Variants in ZNF843 observed in about 807,000 individuals in gnomAD.
ZNF843 encodes zinc finger protein 843.
For synonymous variants in ZNF843, 185 were observed against 207.7 expected (o/e 0.89, Z 0.94); for missense variants, 482 against 469.4 (o/e 1.03, Z -0.25).
rs749584155 is a variant in ZNF843 at position 31,437,619 on chromosome 16, G to GTTTTT, written c.-335-440_-335-436dup. Among the ~76,000 whole-genome samples, 275 of 109,912 alleles carry GTTTTT rather than the reference G, an allele frequency of 2.5e-3. 9 individuals carry two copies. The highest frequency in any genetic ancestry group is 9.3e-3 in the African/African-American group (259 of 27,776). The allele number at this position is 109,912 out of a possible 152,430, so 72.1% of individuals were successfully genotyped here. ...CCATGCCCGGCCTCCTATAATCAAT[G>GTTTTT]TTTTTTTTTTTTTTTTTTTGAGAGG... On this transcript the variant is annotated intron_variant, in intron 1 of 1. Coordinates refer to ENST00000315678, the MANE Select transcript of ZNF843 (RefSeq NM_001136509.3).
intron 1 of ZNF843, among the ~76,000 whole-genome samples, chr16:31,440,878 C>G (rs2082198967): frequency 6.6e-6 from 1 of 152,224 alleles, no homozygotes; most frequent in Non-Finnish European, 1.5e-5. Context: ...GAAATCAGTC[C>G]TTGTGCCAAT....
At chr16:31,438,765 G>A (rs1486717744) in intron 1 of ZNF843, among the ~76,000 whole-genome samples, 1 of 151,988 alleles carries the variant, frequency 6.6e-6, no homozygotes, top group Non-Finnish European at 1.5e-5. Context: ...TTTTGTTGGT[G>A]GCACCAGTTT....
intron 1 of ZNF843, among the ~76,000 whole-genome samples, chr16:31,440,831 C>T (rs955522987): frequency 2.6e-5 from 4 of 152,200 alleles, no homozygotes; most frequent in African/African-American, 9.7e-5. Context: ...CAGCAATTCC[C>T]GCAGCTCTCC....
At chr16:31,437,443 G>A (rs2082187285) in intron 1 of ZNF843, among the ~76,000 whole-genome samples, 1 of 147,320 alleles carries the variant, frequency 6.8e-6, no homozygotes, top group African/African-American at 2.5e-5. Context: ...AGCTGGGACT[G>A]TAGTTGCACA....
chr16:31,443,102 C>T (rs544647924), upstream of ZNF843: 1 of 152,388 alleles, frequency 6.6e-6, no homozygotes, highest in East Asian at 1.9e-4. Flanking sequence ...AGGGAGTCCG[C>T]GCCATGCGCA....
upstream of ZNF843, chr16:31,443,124 G>A: frequency 6.6e-6 from 1 of 152,358 alleles, no homozygotes; most frequent in Middle Eastern, 3.4e-3. Flanking sequence ...GCACACACGC[G>A]GGCCTCTCCT....
Position 31,435,715 on chromosome 16 carries a change from T to C in ZNF843, c.*88A>G. 7.7e-7 allele frequency: 1 copy of C among 1,302,144 alleles called. No homozygotes were observed. Among genetic ancestry groups the C allele is most frequent in the Non-Finnish European group, 1.0e-6 (1 of 980,138 alleles). 80.7% of individuals were successfully genotyped at this position (1,302,144 alleles called of 1,614,324 possible). On this transcript the variant is annotated 3_prime_UTR_variant, in exon 2 of 2. Transcript: ENST00000315678. ...ATACAGAAAAGCCGTCCTGAGCGGG[T>C]CTGTGTGGAGGGAGGGGACTGCATC...
Position 31,435,985 on chromosome 16 carries a change from G to T in ZNF843, c.865C>A (p.Pro289Thr), listed in dbSNP as rs1026544271. 1 of 1,524,158 alleles carries T rather than the reference G, an allele frequency of 6.6e-7. No homozygotes were observed. Among genetic ancestry groups the T allele is most frequent in the African/African-American group, 1.4e-5 (1 of 72,460 alleles). The allele number at this position is 1,524,158 out of a possible 1,614,324, so 94.4% of individuals were successfully genotyped here. A position where few individuals can be genotyped will look rare whatever the true frequency, so the allele number is the denominator to read the frequency against. The change falls in exon 2 of 2, where the codon CCT becomes ACT. Residue 289 changes from proline to threonine, a missense_variant. By Grantham distance (38) the Pro-to-Thr change is conservative (BLOSUM62 -1). Coordinates refer to ENST00000315678, the MANE Select transcript of ZNF843 (RefSeq NM_001136509.3). ...SREAVQAPGY[P>T]EPARKASQHR... ...TGCGAGGCCTTCCGGGCTGGCTCAG[G>T]GTAGCCTGGGGCCTGAACCGCCTCC...
At chr16:31,437,803 A>C (rs1324264171) in intron 1 of ZNF843, among the ~76,000 whole-genome samples, 1 of 149,820 alleles carries the variant, frequency 6.7e-6, no homozygotes, top group African/African-American at 2.5e-5. Flanking sequence ...TTTTTTTTGT[A>C]TTTTAGTAGA....
chr16:31,435,747 C>T lies in ZNF843; in HGVS notation c.*56G>A. ...GGAGGGAGGGGACTGCATCTCAGAT[C>T]CACAGTCCACCGGCGGCTGCAACAA... On this transcript the variant is annotated 3_prime_UTR_variant, in exon 2 of 2. Coordinates refer to ENST00000315678, the MANE Select transcript of ZNF843 (RefSeq NM_001136509.3). 2.8e-6 allele frequency: 4 copies of T among 1,418,860 alleles called. No individual in the cohort carries two copies. Among genetic ancestry groups the T allele is most frequent in the Non-Finnish European group, 3.7e-6 (4 of 1,078,200 alleles). The allele number at this position is 1,418,860 out of a possible 1,614,324, so 87.9% of individuals were successfully genotyped here.
chr16:31,435,950 C>T lies in ZNF843; in HGVS notation c.900G>A (p.Ala300=), dbSNP rs1000682370. The change falls in exon 2 of 2, where the codon GCG becomes GCA. Residue 300 remains alanine (A), a synonymous_variant. Coordinates refer to ENST00000315678, the MANE Select transcript of ZNF843 (RefSeq NM_001136509.3). The stretch of plus-strand genomic sequence containing the variant: ...CCCTGGCCTCGCCGAGCGGTCCGGC[C>T]GCTCTGTGCTGCGAGGCCTTCCGGG... ...EPARKASQHR[A]AGPLGEARAR... is the part of the protein sequence containing the mutation. The T allele has an allele frequency of 1.4e-5, 22 of 1,539,422 alleles. No homozygotes were observed. The highest frequency in any genetic ancestry group is 1.9e-5 in the Non-Finnish European group (22 of 1,141,058).
Position 31,436,915 on chromosome 16 carries a change from AGCTGTGGGG to A in ZNF843, c.-75_-67del. ...CGGGAGGCTTTGCCGCACTTGGCGCAGCTGTGGGGCCTCTGCCGCACTCAGGCTTCCCGT... is the reference window on the plus strand; with the variant it reads ...CGGGAGGCTTTGCCGCACTTGGCGCACCTCTGCCGCACTCAGGCTTCCCGT... On this transcript the variant is annotated 5_prime_UTR_variant, in exon 2 of 2. Transcript: ENST00000315678. The A allele has an allele frequency of 2.1e-6, 3 of 1,403,846 alleles. No individual in the cohort carries two copies. Among genetic ancestry groups the A allele is most frequent in the Admixed American group, 2.7e-5 (1 of 36,934 alleles). 87.0% of individuals were successfully genotyped at this position (1,403,846 alleles called of 1,614,324 possible).
chr16:31,436,066 G>C lies in ZNF843; in HGVS notation c.784C>G (p.Gln262Glu). 2 of 1,548,532 alleles carry C rather than the reference G, an allele frequency of 1.3e-6. No individual in the cohort carries two copies. Among genetic ancestry groups the C allele is most frequent in the Non-Finnish European group, 8.7e-7 (1 of 1,145,682 alleles). Reference sequence around the variant, plus strand: ...CTGGGCCCCATCGCCCCCTCCTGCTGAGCTGCCGGCTGGGTGGCTGGCGGA... The same window carrying C: ...CTGGGCCCCATCGCCCCCTCCTGCTCAGCTGCCGGCTGGGTGGCTGGCGGA... Reference protein sequence around the residue: ...QVPPATQPAAQQEGAMGPRSC... With the variant: ...QVPPATQPAAEQEGAMGPRSC... The change falls in exon 2 of 2, where the codon CAG becomes GAG. Residue 262 changes from glutamine to glutamate, a missense_variant. By Grantham distance (29) the Gln-to-Glu change is conservative. Coordinates refer to ENST00000315678, the MANE Select transcript of ZNF843 (RefSeq NM_001136509.3).
At chr16:31,441,470 G>A (rs929164444) in intron 1 of ZNF843, among the ~76,000 whole-genome samples, 9 of 152,086 alleles carry the variant, frequency 5.9e-5, no homozygotes, top group African/African-American at 2.2e-4. Flanking sequence ...TGGGCACACC[G>A]TACAGTATTA....
intron 1 of ZNF843, among the ~76,000 whole-genome samples, chr16:31,439,706 A>T (rs2082195015): frequency 6.6e-6 from 1 of 152,240 alleles, no homozygotes; most frequent in Admixed American, 6.5e-5. Flanking sequence ...AGGGGCAGAA[A>T]GTAGACCAGT....
intron 1 of ZNF843, among the ~76,000 whole-genome samples, chr16:31,438,562 T>G (rs2082191040): frequency 7.1e-6 from 1 of 141,520 alleles, no homozygotes; most frequent in Non-Finnish European, 1.6e-5. Context: ...GATCCTTGGG[T>G]CTCATCTCTC....
chr16:31,435,794 G>A lies in ZNF843; in HGVS notation c.*9C>T. On this transcript the variant is annotated 3_prime_UTR_variant, in exon 2 of 2. Transcript: ENST00000315678. ...ACAATTCCACCCAGGGCTGCAGCAC[G>A]CTGGTTCTTCAGTGTCGGGCCAGGT... 2 of 1,447,586 alleles carry A rather than the reference G, an allele frequency of 1.4e-6. No individual in the cohort carries two copies. The highest frequency in any genetic ancestry group is 1.8e-6 in the Non-Finnish European group (2 of 1,096,820). 89.7% of individuals were successfully genotyped at this position (1,447,586 alleles called of 1,614,324 possible).
In ZNF843 at chr16:31,436,145, G is replaced by A. The variant is rs1012036566; in HGVS notation, c.705C>T (p.Ser235=). 2 of 1,547,268 alleles carry A rather than the reference G, an allele frequency of 1.3e-6. No individual in the cohort carries two copies. The highest frequency in any genetic ancestry group is 1.7e-6 in the Non-Finnish European group (2 of 1,144,884). Residue 235 remains serine (S), a synonymous_variant, in exon 2 of 2, where the codon TCC becomes TCT. Coordinates refer to ENST00000315678, the MANE Select transcript of ZNF843 (RefSeq NM_001136509.3). Reference sequence around the variant, plus strand: ...GCACTGCAGGCACTGCGGGAAGGCCGGATGGAACCAGAGGCTGGAGACTGA... The same window carrying A: ...GCACTGCAGGCACTGCGGGAAGGCCAGATGGAACCAGAGGCTGGAGACTGA... ...PPLSLQPLVP[S]GLPAVPAVPL... is the part of the protein sequence containing the mutation.
intron 1 of ZNF843, among the ~76,000 whole-genome samples, chr16:31,442,361 C>T (rs1008075192): frequency 6.6e-6 from 1 of 151,934 alleles, no homozygotes; most frequent in African/African-American, 2.4e-5. Context: ...CGCTGTGTTC[C>T]CCAGGCTGGA....
Sources: gnomAD v4.1 joint callset for allele counts (sites outside exome capture counted in the v4.1 genomes callset) on GRCh38, gnomAD v4.1.1 for gene constraint, MANE v1.5 for transcripts, NCBI Gene and HGNC (gene_info 2026-07-23, HGNC 2026-07-21) for gene names.